The following CMIP variants were observed in gnomAD, a reference collection of about 807,000 sequenced individuals.
CMIP encodes the protein C-Maf-inducing protein.
A neutral mutation model predicts 97.3 loss-of-function variants in CMIP; 13 were observed. That is an observed-to-expected ratio of 0.13 (90% CI 0.09 to 0.21). CMIP has a LOEUF of 0.21. Ranked by LOEUF, CMIP falls within the 10% of genes least tolerant of loss-of-function variation. The pLI is 1.00. For missense variants in CMIP, 847 were observed against 1,024.9 expected (o/e 0.83, Z 2.37); for synonymous variants, 538 against 436.3 (o/e 1.23, Z -2.91).
At chr16:81,502,786 C>CAA in intron 1 of CMIP, among the ~76,000 whole-genome samples, 1 of 152,124 alleles carries the variant, frequency 6.6e-6, no homozygotes, top group East Asian at 1.9e-4. Flanking sequence ...AAAAACAAAA[C>CAA]AAAAAAAGAA....
intron 3 of CMIP, among the ~76,000 whole-genome samples, chr16:81,633,890 C>G (rs930574560): frequency 6.6e-6 from 1 of 152,228 alleles, no homozygotes; most frequent in African/African-American, 2.4e-5. Context: ...GGAACAGACT[C>G]AGGCAGACCA....
intron 3 of CMIP, among the ~76,000 whole-genome samples, chr16:81,624,534 T>C (rs531660427): frequency 9.9e-5 from 15 of 151,926 alleles, no homozygotes; most frequent in African/African-American, 3.6e-4. Context: ...TGTGTCCCCA[T>C]TGCTTAGTTT....
At chr16:81,466,218 A>G (rs987249526) in intron 1 of CMIP, among the ~76,000 whole-genome samples, 3 of 152,022 alleles carry the variant, frequency 2.0e-5, no homozygotes, top group African/African-American at 4.8e-5. Flanking sequence ...GTGCCACCAC[A>G]TCCAGCTAAT....
At chr16:81,575,240 T>C (rs2091168269) in intron 1 of CMIP, among the ~76,000 whole-genome samples, 2 of 152,204 alleles carry the variant, frequency 1.3e-5, no homozygotes. Flanking sequence ...AGTTAGGCAC[T>C]TGGGCCTGAG....
At position 81,492,970 on chromosome 16, in the gene CMIP, C is replaced by T. The variant is rs1013312248; in HGVS notation, c.300+47429C>T. Among the ~76,000 whole-genome samples the T allele has an allele frequency of 4.6e-5, 7 of 152,170 alleles. No individual in the cohort carries two copies. The South Asian group carries it at 8.3e-4, about 18-fold the overall frequency. ...CCGTGAGCGAGAAGATGCAGATGCC[C>T]CTTTAGTAGGAGGGCATTGCTCCCT... On this transcript the variant is annotated intron_variant, in intron 1 of 20. Coordinates refer to ENST00000537098, the MANE Select transcript of CMIP (RefSeq NM_198390.3).
intron 1 of CMIP, among the ~76,000 whole-genome samples, chr16:81,521,648 G>T (rs2150807511): frequency 6.6e-6 from 1 of 152,296 alleles, no homozygotes; most frequent in Middle Eastern, 3.4e-3. Flanking sequence ...TCCCTGGAGT[G>T]AATTTTCTTT....
At chr16:81,570,080 C>T (rs1227522369) in intron 1 of CMIP, among the ~76,000 whole-genome samples, 2 of 152,264 alleles carry the variant, frequency 1.3e-5, no homozygotes, top group Non-Finnish European at 2.9e-5. Flanking sequence ...CTTGGAGTAT[C>T]AATGGGGGAA....
intron 1 of CMIP, among the ~76,000 whole-genome samples, chr16:81,463,497 C>T (rs1459606291): frequency 1.3e-5 from 2 of 152,196 alleles, no homozygotes; most frequent in African/African-American, 4.8e-5. Flanking sequence ...TTTTTATTCT[C>T]AGATTTGTTT....
chr16:81,507,405 G>A (rs1022503382), intron 1 of CMIP, among the ~76,000 whole-genome samples: 1 of 152,182 alleles, frequency 6.6e-6, no homozygotes, highest in African/African-American at 2.4e-5. Flanking sequence ...AGAAACCATA[G>A]GCTAAATTGG....
At chr16:81,479,310 A>G (rs1908118961) in intron 1 of CMIP, among the ~76,000 whole-genome samples, 2 of 152,158 alleles carry the variant, frequency 1.3e-5, no homozygotes, top group South Asian at 4.1e-4. Context: ...GAATGTCTTG[A>G]GGGACTGTCA....
chr16:81,495,475 G>C, intron 1 of CMIP: 1 of 1,613,226 alleles, frequency 6.2e-7, no homozygotes, highest in Non-Finnish European at 8.5e-7. Flanking sequence ...GTCCGGGGAA[G>C]GATGGGACAG....
At chr16:81,589,914 C>T (rs1047464899) in intron 1 of CMIP, among the ~76,000 whole-genome samples, 2 of 152,130 alleles carry the variant, frequency 1.3e-5, no homozygotes, top group African/African-American at 2.4e-5. Context: ...AATGATAGGC[C>T]GGCGTCAGCC....
chr16:81,669,615 G>T (rs1166594576), intron 7 of CMIP, among the ~76,000 whole-genome samples: 2 of 70,384 alleles, frequency 2.8e-5, no homozygotes, highest in South Asian at 1.1e-3. Context: ...ACCTCCTTCC[G>T]CACCAACCTC....
chr16:81,465,159 C>T (rs926756794), intron 1 of CMIP, among the ~76,000 whole-genome samples: 1 of 152,186 alleles, frequency 6.6e-6, no homozygotes, highest in African/African-American at 2.4e-5. Flanking sequence ...TTAGATAACG[C>T]AAATAAACAG....
chr16:81,692,072 G>A (rs1203665484), intron 11 of CMIP, among the ~76,000 whole-genome samples: 2 of 152,164 alleles, frequency 1.3e-5, no homozygotes, highest in Non-Finnish European at 2.9e-5. Context: ...TGTAGGAGCT[G>A]CTTGACTGCA....
At chr16:81,570,114 C>T (rs534239689) in intron 1 of CMIP, among the ~76,000 whole-genome samples, 54 of 152,302 alleles carry the variant, frequency 3.5e-4, no homozygotes, top group African/African-American at 1.3e-3. Context: ...ACCCCTTCTG[C>T]AGACGGGCTT....
At chr16:81,600,985 G>A (rs1440068733) in intron 1 of CMIP, among the ~76,000 whole-genome samples, 2 of 152,174 alleles carry the variant, frequency 1.3e-5, no homozygotes, top group Non-Finnish European at 2.9e-5. Context: ...CAGTGGGGTG[G>A]TGCCACGTGG....
intron 1 of CMIP, among the ~76,000 whole-genome samples, chr16:81,481,751 C>G (rs2089226876): frequency 6.6e-6 from 1 of 152,116 alleles, no homozygotes; most frequent in Non-Finnish European, 1.5e-5. Flanking sequence ...TTTCTGGAAG[C>G]CTAAGGGAAG....
intron 10 of CMIP, among the ~76,000 whole-genome samples, chr16:81,685,055 CCTT>C (rs1366800790): frequency 2.6e-5 from 4 of 152,236 alleles, no homozygotes; most frequent in Non-Finnish European, 5.9e-5. Flanking sequence ...TTCCTCATTC[CCTT>C]CTTCGTGGGC....
Sources: gnomAD v4.1 joint callset for allele counts (sites outside exome capture counted in the v4.1 genomes callset) on GRCh38, gnomAD v4.1.1 for gene constraint, MANE v1.5 for transcripts, NCBI Gene and HGNC (gene_info 2026-07-23, HGNC 2026-07-21) for gene names.